CTNNA2: variants seen among roughly 807,000 people sequenced by gnomAD.
CTNNA2 encodes the protein catenin alpha-2.
A neutral mutation model predicts 101.0 loss-of-function variants in CTNNA2; 42 were observed. That is an observed-to-expected ratio of 0.42 (90% CI 0.32 to 0.54). The LOEUF (loss-of-function observed/expected upper bound fraction) is 0.54, where lower values mean the gene tolerates loss of function less well. Among genes scored for constraint, CTNNA2 ranks in the 20% least tolerant of loss-of-function variants. The probability of loss-of-function intolerance (pLI) is 0.14; values close to 1 mark genes in which losing one functional copy is unlikely to be tolerated. For missense variants in CTNNA2, 871 were observed against 1,223.1 expected (o/e 0.71, Z 4.29); for synonymous variants, 450 against 456.4 (o/e 0.99, Z 0.18).
chr2:79,668,054 C>T (rs1256717018), intron 2 of CTNNA2, among the ~76,000 whole-genome samples: 1 of 150,150 alleles, frequency 6.7e-6, no homozygotes, highest in Non-Finnish European at 1.5e-5. Context: ...TCCTGGCTAA[C>T]AAGGTGAAAC....
intron 3 of CTNNA2, among the ~76,000 whole-genome samples, chr2:79,808,167 C>G (rs1676725215): frequency 6.6e-6 from 1 of 152,168 alleles, no homozygotes; most frequent in Non-Finnish European, 1.5e-5. Flanking sequence ...CTTGCCCTAG[C>G]TTACAATGCC....
In CTNNA2 at chr2:79,374,717, A is replaced by T. The variant is rs987019130; in HGVS notation, c.-135+704A>T. On this transcript the variant is annotated intron_variant, in intron 4 of 21. Coordinates refer to the CTNNA2 transcript ENST00000466387. ...TAGCCAAGCACCATTTTAAACTAAA[A>T]TCCGATGGAAATTTAATTTGATTGC... is the stretch of plus-strand genomic sequence containing the variant. Among the ~76,000 whole-genome samples, 2 of 152,130 alleles carry T rather than the reference A, an allele frequency of 1.3e-5. 1 individual carries two copies. Among genetic ancestry groups the T allele is most frequent in the African/African-American group, 4.8e-5 (2 of 41,430 alleles).
chr2:79,817,226 G>A (rs1006653838), intron 3 of CTNNA2, among the ~76,000 whole-genome samples: 8 of 149,666 alleles, frequency 5.3e-5, no homozygotes, highest in African/African-American at 2.0e-4. Flanking sequence ...GTGATGTGAG[G>A]TCATCTCTTC....
At chr2:79,443,838 A>G (rs1430672040) in intron 4 of CTNNA2, among the ~76,000 whole-genome samples, 1 of 152,018 alleles carries the variant, frequency 6.6e-6, no homozygotes, top group African/African-American at 2.4e-5. Flanking sequence ...AAGAAGGGAT[A>G]AAATGTCACT....
intron 7 of CTNNA2, among the ~76,000 whole-genome samples, chr2:80,180,019 C>G (rs1260474962): frequency 6.6e-6 from 1 of 152,160 alleles, no homozygotes; most frequent in African/African-American, 2.4e-5. Flanking sequence ...AATTGGAGAA[C>G]TATAATGATG....
intron 4 of CTNNA2, among the ~76,000 whole-genome samples, chr2:79,429,705 C>A (rs1029851170): frequency 6.6e-6 from 1 of 152,076 alleles, no homozygotes; most frequent in South Asian, 2.1e-4. Flanking sequence ...CAGATTTAAA[C>A]TGAATAAGAG....
intron 7 of CTNNA2, among the ~76,000 whole-genome samples, chr2:80,152,686 C>G (rs1703779894): frequency 1.3e-5 from 2 of 149,636 alleles, no homozygotes; most frequent in Non-Finnish European, 2.9e-5. Flanking sequence ...CACCACCTTG[C>G]CTTTATTGTA....
At chr2:80,211,510 A>G (rs1707888952) in intron 7 of CTNNA2, among the ~76,000 whole-genome samples, 3 of 152,154 alleles carry the variant, frequency 2.0e-5, no homozygotes, top group South Asian at 4.1e-4. Flanking sequence ...CAGGTTTGTC[A>G]AAGATCAGAT....
intron 18 of CTNNA2, among the ~76,000 whole-genome samples, chr2:80,638,612 C>T (rs748585585): frequency 2.0e-5 from 3 of 152,032 alleles, no homozygotes; most frequent in Admixed American, 6.6e-5. Flanking sequence ...TGCCTTGTTT[C>T]GGGTTGAGCA....
intron 1 of CTNNA2, chr2:79,573,797 T>C (rs1338030707): frequency 6.6e-6 from 1 of 152,184 alleles, no homozygotes; most frequent in East Asian, 1.9e-4. Flanking sequence ...TGATAGCACT[T>C]GTGAATTGGT....
chr2:79,465,984 C>T (rs1168197804), intron 4 of CTNNA2, among the ~76,000 whole-genome samples: 3 of 152,156 alleles, frequency 2.0e-5, no homozygotes, highest in African/African-American at 7.2e-5. Flanking sequence ...GTGATTTCTG[C>T]ATTTCCAACC....
At position 79,275,120 on chromosome 2, in the gene CTNNA2, T is replaced by C. The variant is rs1675179130; in HGVS notation, c.-405-37589T>C. ...TTTTCCTGAAATAACCCTTACAAAG[T>C]CTTAAATCCAGAGATGAGTTCACTG... On this transcript the variant is annotated intron_variant, in intron 2 of 21. Coordinates refer to the CTNNA2 transcript ENST00000466387. Among the ~76,000 whole-genome samples, 3 of 152,034 alleles carry C rather than the reference T, an allele frequency of 2.0e-5. No individual in the cohort carries two copies. In the South Asian group the frequency reaches 6.2e-4, roughly 32 times the overall value.
intron 9 of CTNNA2, among the ~76,000 whole-genome samples, chr2:80,436,799 A>T (rs1190179533): frequency 6.6e-6 from 1 of 152,112 alleles, no homozygotes; most frequent in Non-Finnish European, 1.5e-5. Context: ...CACCAATCCC[A>T]TTCACAAGGA....
chr2:79,227,834 T>G (rs1000572398), intron 2 of CTNNA2, among the ~76,000 whole-genome samples: 1 of 152,128 alleles, frequency 6.6e-6, no homozygotes, highest in Non-Finnish European at 1.5e-5. Context: ...ATACTGAGGT[T>G]TGGGGTCCCA....
At chr2:79,784,305 T>G (rs1674674806) in intron 3 of CTNNA2, among the ~76,000 whole-genome samples, 1 of 152,064 alleles carries the variant, frequency 6.6e-6, no homozygotes, top group East Asian at 1.9e-4. Context: ...TCCCCAACTC[T>G]AAAGGCCGTA....
intron 2 of CTNNA2, among the ~76,000 whole-genome samples, chr2:79,654,554 T>C (rs542735427): frequency 6.6e-6 from 1 of 152,308 alleles, no homozygotes; most frequent in Non-Finnish European, 1.5e-5. Context: ...TTCTCTCTTA[T>C]GAAGAAGATC....
intron 7 of CTNNA2, among the ~76,000 whole-genome samples, chr2:80,071,398 A>G (rs2148779363): frequency 6.6e-6 from 1 of 152,270 alleles, no homozygotes; most frequent in East Asian, 1.9e-4. Flanking sequence ...CTAAGTTTTT[A>G]CTTTGAAATG....
intron 7 of CTNNA2, among the ~76,000 whole-genome samples, chr2:80,332,943 GAAT>G (rs1671465449): frequency 6.6e-6 from 1 of 151,982 alleles, no homozygotes; most frequent in Non-Finnish European, 1.5e-5. Context: ...ACCAAAAGAA[GAAT>G]AATATTTTGC....
At chr2:79,481,125 G>C (rs1053578951) in intron 4 of CTNNA2, among the ~76,000 whole-genome samples, 2 of 151,782 alleles carry the variant, frequency 1.3e-5, no homozygotes, top group African/African-American at 2.4e-5. Flanking sequence ...ACCTAAATAT[G>C]AATAAAGTGA....
Sources: gnomAD v4.1 joint callset for allele counts (sites outside exome capture counted in the v4.1 genomes callset) on GRCh38, gnomAD v4.1.1 for gene constraint, MANE v1.5 for transcripts, NCBI Gene and HGNC (gene_info 2026-07-23, HGNC 2026-07-21) for gene names.